The following EFCAB11 variants were observed in gnomAD, a reference collection of about 807,000 sequenced individuals.
The protein encoded by EFCAB11 is EF-hand calcium binding domain 11, also known as EF-hand calcium-binding domain-containing protein 11.
A neutral mutation model predicts 23.0 loss-of-function variants in EFCAB11; 14 were observed. That is an observed-to-expected ratio of 0.61 (90% CI 0.40 to 0.95). EFCAB11 has a LOEUF of 0.95. Among genes scored for constraint, EFCAB11 ranks in the 40% least tolerant of loss-of-function variants. The pLI is 0.00. For missense variants in EFCAB11, 198 were observed against 195.8 expected, an observed-to-expected ratio of 1.01 and a Z score of -0.07; for synonymous variants, 65 against 66.6, an observed-to-expected ratio of 0.98 and a Z score of 0.11.
chr14:89,825,102 CA>C (rs35074143), intron 5 of EFCAB11, among the ~76,000 whole-genome samples: 4,182 of 60,228 alleles, frequency 0.069, 69 homozygotes, highest in African/African-American at 0.15. Flanking sequence ...ATGCTGGGAC[CA>C]AAAAAAAAAA....
intron 5 of EFCAB11, among the ~76,000 whole-genome samples, chr14:89,841,460 G>C (rs1296741332): frequency 6.8e-6 from 1 of 146,798 alleles, no homozygotes; most frequent in African/African-American, 2.6e-5. Flanking sequence ...CGCACCCCCA[G>C]TCTGCTATCC....
intron 3 of EFCAB11, among the ~76,000 whole-genome samples, chr14:89,948,802 T>C (rs1204177217): frequency 6.6e-6 from 1 of 151,162 alleles, no homozygotes; most frequent in African/African-American, 2.4e-5. Context: ...TTCATGGACA[T>C]AGAAAGTAGA....
At chr14:89,801,041 G>GAAAAAA (rs1197084827) in intron 5 of EFCAB11, among the ~76,000 whole-genome samples, 1 of 58,496 alleles carries the variant, frequency 1.7e-5, no homozygotes, top group Non-Finnish European at 4.3e-5. Flanking sequence ...CCTCAAAAAA[G>GAAAAAA]AAAAAAAAAA....
chr14:89,828,763 C>CTA (rs1886789951), intron 5 of EFCAB11, among the ~76,000 whole-genome samples: 1 of 152,104 alleles, frequency 6.6e-6, no homozygotes, highest in South Asian at 2.1e-4. Context: ...GCTTTACGGG[C>CTA]TTAATAAGAA....
intron 5 of EFCAB11, among the ~76,000 whole-genome samples, chr14:89,837,385 GGT>G (rs986487422): frequency 6.6e-6 from 1 of 151,924 alleles, no homozygotes; most frequent in Non-Finnish European, 1.5e-5. Flanking sequence ...GCTTCCTTCT[GGT>G]AATGGCTACT....
chr14:89,929,440 G>A (rs1890313496), intron 5 of EFCAB11, among the ~76,000 whole-genome samples: 1 of 152,208 alleles, frequency 6.6e-6, no homozygotes, highest in Non-Finnish European at 1.5e-5. Context: ...AGGCTAGAGT[G>A]CAGTGGTGTG....
chr14:89,884,980 G>A (rs1017297107), intron 5 of EFCAB11, among the ~76,000 whole-genome samples: 2 of 152,186 alleles, frequency 1.3e-5, no homozygotes, highest in African/African-American at 4.8e-5. Context: ...GACCATGCTG[G>A]CATCTGATTG....
chr14:89,871,080 C>T (rs1425451820), intron 5 of EFCAB11, among the ~76,000 whole-genome samples: 2 of 152,098 alleles, frequency 1.3e-5, no homozygotes, highest in Admixed American at 6.6e-5. Flanking sequence ...TATTTTTCTT[C>T]CAAATATGGG....
intron 5 of EFCAB11, among the ~76,000 whole-genome samples, chr14:89,919,241 T>C (rs1255815100): frequency 6.6e-6 from 1 of 151,702 alleles, no homozygotes; most frequent in Non-Finnish European, 1.5e-5. Flanking sequence ...ACTAATTCAC[T>C]GTGGAATGTA....
chr14:89,844,767 C>A (rs1404600335), intron 5 of EFCAB11, among the ~76,000 whole-genome samples: 1 of 152,238 alleles, frequency 6.6e-6, no homozygotes, highest in African/African-American at 2.4e-5. Context: ...CTGGTTGGAA[C>A]TTAATTTCCT....
chr14:89,820,429 C>G (rs1041882406), intron 5 of EFCAB11, among the ~76,000 whole-genome samples: 1 of 152,020 alleles, frequency 6.6e-6, no homozygotes, highest in Non-Finnish European at 1.5e-5. Context: ...ACCGCCCCCA[C>G]CACTCTCACC....
chr14:89,871,762 T>C (rs1241368418), intron 5 of EFCAB11, among the ~76,000 whole-genome samples: 1 of 152,222 alleles, frequency 6.6e-6, no homozygotes, highest in Non-Finnish European at 1.5e-5. Context: ...TATCCTGCAA[T>C]TTACACCTTT....
intron 2 of EFCAB11, among the ~76,000 whole-genome samples, chr14:89,953,688 G>A (rs991903731): frequency 5.3e-5 from 8 of 152,194 alleles, no homozygotes; most frequent in Non-Finnish European, 1.2e-4. Context: ...TTAGCAGCCT[G>A]GTGGTGAGAT....
rs1267262165 is a variant in EFCAB11 at position 89,794,692 on chromosome 14, T to C, written c.*2551A>G. On this transcript the variant is annotated 3_prime_UTR_variant, in exon 6 of 6. Transcript: ENST00000316738. ...GCTTTGTATTTGAAATAAGATTTTA[T>C]TTTTACTTGATTTTCAATGTTTTCT... The C allele has an allele frequency of 6.6e-6, 1 of 152,202 alleles. No individual in the cohort carries two copies. The highest frequency in any genetic ancestry group is 1.5e-5 in the Non-Finnish European group (1 of 68,032). 9.4% of individuals were successfully genotyped at this position (152,202 alleles called of 1,614,324 possible). A position where few individuals can be genotyped will look rare whatever the true frequency, so the allele number is the denominator to read the frequency against.
intron 5 of EFCAB11, among the ~76,000 whole-genome samples, chr14:89,870,132 C>A (rs1888220303): frequency 6.6e-6 from 1 of 152,152 alleles, no homozygotes; most frequent in African/African-American, 2.4e-5. Flanking sequence ...CCAGGTAATG[C>A]CCCCTCAGCA....
At chr14:89,892,891 G>A (rs779815369) in intron 5 of EFCAB11, among the ~76,000 whole-genome samples, 3 of 151,924 alleles carry the variant, frequency 2.0e-5, no homozygotes, top group Non-Finnish European at 4.4e-5. Flanking sequence ...AACAGAGTGA[G>A]ACTCTGTTTC....
At chr14:89,850,794 G>GT (rs1266050925) in intron 5 of EFCAB11, among the ~76,000 whole-genome samples, 2 of 152,206 alleles carry the variant, frequency 1.3e-5, no homozygotes, top group Non-Finnish European at 2.9e-5. Flanking sequence ...AAAAGAGGAA[G>GT]TTAATAGAGG....
chr14:89,844,723 C>T (rs1399084813), intron 5 of EFCAB11, among the ~76,000 whole-genome samples: 2 of 152,252 alleles, frequency 1.3e-5, no homozygotes, highest in East Asian at 3.8e-4. Context: ...TTGGCTCAAT[C>T]CCTGGGTGTT....
intron 5 of EFCAB11, among the ~76,000 whole-genome samples, chr14:89,858,734 A>G (rs1319554459): frequency 2.1e-5 from 3 of 141,310 alleles, no homozygotes; most frequent in Admixed American, 8.1e-5. Flanking sequence ...TTCTGGGCTC[A>G]AGCGATCTGC....
Sources: gnomAD v4.1 joint callset for allele counts (sites outside exome capture counted in the v4.1 genomes callset) on GRCh38, gnomAD v4.1.1 for gene constraint, MANE v1.5 for transcripts, NCBI Gene and HGNC (gene_info 2026-07-23, HGNC 2026-07-21) for gene names.